Variants in GSE1 observed in about 807,000 individuals in gnomAD.
GSE1 encodes the protein Gse1 coiled-coil protein, also known as genetic suppressor element 1.
A neutral mutation model predicts 112.6 loss-of-function variants in GSE1; 32 were observed. The ratio of observed to expected loss-of-function variants is 0.28; its 90% confidence interval spans 0.21 to 0.38. The LOEUF (loss-of-function observed/expected upper bound fraction) is 0.38, where lower values mean the gene tolerates loss of function less well. Ranked by LOEUF, GSE1 falls within the 10% of genes least tolerant of loss-of-function variation. GSE1 has a pLI of 1.00. For synonymous variants in GSE1, 1,115 were observed against 735.6 expected (o/e 1.52, Z -8.35); for missense variants, 2,348 against 1,699.2 (o/e 1.38, Z -6.71).
intron 2 of GSE1, among the ~76,000 whole-genome samples, chr16:85,470,977 G>A (rs1382883036): frequency 6.6e-6 from 1 of 152,220 alleles, no homozygotes; most frequent in East Asian, 1.9e-4. Flanking sequence ...GCAGACACGC[G>A]GCCCACTGAA....
intron 1 of GSE1, among the ~76,000 whole-genome samples, chr16:85,302,448 G>GCCCCCC (rs55673103): frequency 2.7e-5 from 4 of 149,586 alleles, no homozygotes; most frequent in South Asian, 2.1e-4. Flanking sequence ...ACAGCACACC[G>GCCCCCC]CCCCCCCCCG....
At chr16:85,331,709 T>G (rs1194907966) in intron 1 of GSE1, among the ~76,000 whole-genome samples, 1 of 20,574 alleles carries the variant, frequency 4.9e-5, no homozygotes, top group Non-Finnish European at 1.2e-4. Flanking sequence ...ATATATATAT[T>G]TTTTTTTTTT....
intron 2 of GSE1, among the ~76,000 whole-genome samples, chr16:85,450,630 T>C (rs1335223638): frequency 6.6e-6 from 1 of 151,404 alleles, no homozygotes; most frequent in East Asian, 2.0e-4. Context: ...TTTGTATTTT[T>C]AGTAGAGATG....
At chr16:85,220,068 A>G (rs73257919) in intron 1 of GSE1, among the ~76,000 whole-genome samples, 7,901 of 152,232 alleles carry the variant, frequency 0.052, 665 homozygotes, top group African/African-American at 0.18. Flanking sequence ...TTCTTACATG[A>G]TGTCAGAGCA....
intron 2 of GSE1, among the ~76,000 whole-genome samples, chr16:85,514,871 T>G (rs1265085049): frequency 6.6e-6 from 1 of 152,134 alleles, no homozygotes; most frequent in Non-Finnish European, 1.5e-5. Context: ...GTCAGAGGCT[T>G]GGCAGGGATG....
At chr16:85,372,814 C>A (rs1326266955) in intron 2 of GSE1, among the ~76,000 whole-genome samples, 2 of 152,034 alleles carry the variant, frequency 1.3e-5, no homozygotes, top group East Asian at 3.9e-4. Flanking sequence ...ACCAGTTCAC[C>A]AAATCCTCAC....
chr16:85,419,226 G>A lies in GSE1; in HGVS notation c.2464+61583G>A, dbSNP rs545190183. Among the ~76,000 whole-genome samples, 30 of 152,292 alleles carry A rather than the reference G, an allele frequency of 2.0e-4. No individual in the cohort carries two copies. In the South Asian group the frequency reaches 6.2e-3, roughly 32 times the overall value. Reference sequence around the variant, plus strand: ...TCTCTGCAGGGACAGCAGTGAGGGTGCCCGGGCCCTGCCCTTACAAAAGGT... The same window carrying A: ...TCTCTGCAGGGACAGCAGTGAGGGTACCCGGGCCCTGCCCTTACAAAAGGT... On this transcript the variant is annotated intron_variant, in intron 2 of 2. Coordinates refer to the GSE1 transcript ENST00000637419. The surrounding 1 kb of genome is among the most constrained non-coding windows in gnomAD (Gnocchi z 6.5).
chr16:85,421,273 C>T (rs565638727), intron 2 of GSE1, among the ~76,000 whole-genome samples: 5 of 152,060 alleles, frequency 3.3e-5, no homozygotes, highest in South Asian at 2.1e-4. Flanking sequence ...GGGGGTCTCT[C>T]GGGCCCTGGC....
At chr16:85,474,166 C>T (rs573171600) in intron 2 of GSE1, among the ~76,000 whole-genome samples, 120 of 152,184 alleles carry the variant, frequency 7.9e-4, no homozygotes, top group African/African-American at 2.4e-3. Context: ...CCAGTCCAGA[C>T]GAGAGGTGCT....
At chr16:85,645,571 G>C (rs1205860327) in intron 2 of GSE1, among the ~76,000 whole-genome samples, 1 of 152,154 alleles carries the variant, frequency 6.6e-6, no homozygotes, top group African/African-American at 2.4e-5. Context: ...TGCCTGTGGG[G>C]CCTCTGCCTC....
intron 1 of GSE1, among the ~76,000 whole-genome samples, chr16:85,563,988 G>A (rs1466923348): frequency 1.3e-5 from 2 of 152,196 alleles, no homozygotes; most frequent in Admixed American, 6.5e-5. Context: ...AGCACCTCCC[G>A]TCAGGCCCCC....
At chr16:85,319,401 G>A (rs2046052244) in intron 1 of GSE1, among the ~76,000 whole-genome samples, 1 of 152,162 alleles carries the variant, frequency 6.6e-6, no homozygotes, top group Non-Finnish European at 1.5e-5. Flanking sequence ...CAGGAGAGAC[G>A]CCAGCTCCTG....
chr16:85,534,078 A>G (rs1168950658), intron 2 of GSE1, among the ~76,000 whole-genome samples: 1 of 151,400 alleles, frequency 6.6e-6, no homozygotes, highest in Non-Finnish European at 1.5e-5. Flanking sequence ...AGCCTTGGCA[A>G]CTGTCATCTG....
At chr16:85,626,308 A>C (rs2151676890) in intron 1 of GSE1, among the ~76,000 whole-genome samples, 1 of 152,280 alleles carries the variant, frequency 6.6e-6, no homozygotes, top group East Asian at 1.9e-4. Flanking sequence ...TTTATCATGA[A>C]GCCGCCCAGG....
chr16:85,397,246 A>G (rs1463647407), intron 2 of GSE1, among the ~76,000 whole-genome samples: 5 of 152,204 alleles, frequency 3.3e-5, no homozygotes, highest in Non-Finnish European at 5.9e-5. Context: ...CATTGGGGGA[A>G]GCAGATAGCA....
intron 2 of GSE1, among the ~76,000 whole-genome samples, chr16:85,445,336 C>G (rs1278734034): frequency 6.6e-6 from 1 of 152,240 alleles, no homozygotes; most frequent in African/African-American, 2.4e-5. Flanking sequence ...CGAACCCCCC[C>G]ACTCTGCAAA....
At chr16:85,584,453 C>A (rs2046595448) in intron 1 of GSE1, among the ~76,000 whole-genome samples, 1 of 152,232 alleles carries the variant, frequency 6.6e-6, no homozygotes, top group Non-Finnish European at 1.5e-5. Flanking sequence ...GTAATTTACA[C>A]TCTCCGGGTA....
intron 2 of GSE1, among the ~76,000 whole-genome samples, chr16:85,469,972 A>G (rs2050236390): frequency 6.6e-6 from 1 of 152,170 alleles, no homozygotes; most frequent in Admixed American, 6.5e-5. Context: ...CGCAGTGGCA[A>G]CCGTGGAAAT....
chr16:85,611,455 G>T (rs956708546), upstream of GSE1: 4 of 985,082 alleles, frequency 4.1e-6, no homozygotes, highest in African/African-American at 7.0e-5. Flanking sequence ...CCGCAAGGGG[G>T]GCGCCGCCGG....
Sources: allele counts gnomAD v4.1 joint callset (sites outside exome capture counted in the v4.1 genomes callset), GRCh38; gene constraint gnomAD v4.1.1; non-coding constraint Gnocchi (gnomAD v3.1); transcripts MANE v1.5; gene names NCBI Gene and HGNC (gene_info 2026-07-23, HGNC 2026-07-21).